Variants in ITFG1 observed in about 807,000 individuals in gnomAD.
ITFG1 encodes T-cell immunomodulatory protein.
In ITFG1, 34 loss-of-function variants were observed where a neutral mutation model predicts 81.8. That is an observed-to-expected ratio of 0.42 (90% CI 0.32 to 0.55). ITFG1 has a LOEUF of 0.55. Among genes scored for constraint, ITFG1 ranks in the 20% least tolerant of loss-of-function variants. The probability of loss-of-function intolerance (pLI) is 0.17; values close to 1 mark genes in which losing one functional copy is unlikely to be tolerated. For synonymous variants in ITFG1, 285 were observed against 270.6 expected, an observed-to-expected ratio of 1.05 and a Z score of -0.52; for missense variants, 672 against 755.4, an observed-to-expected ratio of 0.89 and a Z score of 1.29.
intron 8 of ITFG1, among the ~76,000 whole-genome samples, chr16:47,360,700 C>T (rs564545220): frequency 6.6e-6 from 1 of 152,142 alleles, no homozygotes; most frequent in South Asian, 2.1e-4. Flanking sequence ...TACATTTCCA[C>T]ACACGGCGCA....
At chr16:47,319,940 G>A (rs1967423310) in intron 8 of ITFG1, among the ~76,000 whole-genome samples, 1 of 152,010 alleles carries the variant, frequency 6.6e-6, no homozygotes, top group Non-Finnish European at 1.5e-5. Flanking sequence ...TATCTTTTTT[G>A]AGACAGAGTC....
intron 8 of ITFG1, among the ~76,000 whole-genome samples, chr16:47,324,834 C>G (rs1409315196): frequency 6.6e-6 from 1 of 152,156 alleles, no homozygotes. Context: ...ATTCATAAAA[C>G]AAGTCCTTAG....
chr16:47,300,668 T>G (rs1967061617), intron 10 of ITFG1, among the ~76,000 whole-genome samples: 1 of 152,324 alleles, frequency 6.6e-6, no homozygotes, highest in South Asian at 2.1e-4. Context: ...GCTTTAATGA[T>G]TCTTATAATA....
At chr16:47,258,855 ATCC>A in intron 11 of ITFG1, 115 bp from the exon 12 acceptor site, 1 of 501,572 alleles carries the variant, frequency 2.0e-6, no homozygotes, top group South Asian at 3.6e-5. Flanking sequence ...TTATTTATTC[ATCC>A]TCATGTTTAA....
intron 14 of ITFG1, among the ~76,000 whole-genome samples, chr16:47,197,987 T>C (rs1054278719): frequency 2.6e-5 from 4 of 152,264 alleles, no homozygotes; most frequent in Non-Finnish European, 4.4e-5. Context: ...CTCTGTAGTA[T>C]AATTTCTTTT....
chr16:47,338,623 C>G (rs946388692), intron 8 of ITFG1, among the ~76,000 whole-genome samples: 2 of 150,794 alleles, frequency 1.3e-5, no homozygotes, highest in Admixed American at 6.6e-5. Context: ...TGGAAGAAGC[C>G]TAGGCATCAG....
At chr16:47,404,917 TTTC>T (rs1261202355) in intron 6 of ITFG1, among the ~76,000 whole-genome samples, 9 of 152,296 alleles carry the variant, frequency 5.9e-5, no homozygotes, top group Non-Finnish European at 1.3e-4. Flanking sequence ...TTTATTGGCC[TTTC>T]TTATTTTTGA....
chr16:47,326,513 A>T (rs1292421470), intron 8 of ITFG1, among the ~76,000 whole-genome samples: 2 of 152,212 alleles, frequency 1.3e-5, no homozygotes, highest in Non-Finnish European at 2.9e-5. Context: ...GCATTCAATT[A>T]GGAAAAGAGG....
intron 8 of ITFG1, among the ~76,000 whole-genome samples, chr16:47,356,228 T>G (rs1450294588): frequency 1.3e-5 from 2 of 152,202 alleles, no homozygotes; most frequent in Non-Finnish European, 2.9e-5. Flanking sequence ...TTGGAAAGAT[T>G]ACTTGAGATA....
At chr16:47,446,584 C>T (rs1416274442) in intron 5 of ITFG1, among the ~76,000 whole-genome samples, 1 of 152,158 alleles carries the variant, frequency 6.6e-6, no homozygotes, top group African/African-American at 2.4e-5. Flanking sequence ...ACGCGTCCCA[C>T]AGTTGAACGC....
At chr16:47,243,679 G>A (rs1047149630) in intron 12 of ITFG1, among the ~76,000 whole-genome samples, 2 of 152,150 alleles carry the variant, frequency 1.3e-5, no homozygotes, top group Non-Finnish European at 1.5e-5. Flanking sequence ...GACTTGAAAG[G>A]GGGCTTATAC....
At chr16:47,303,687 A>C (rs1967112783) in intron 10 of ITFG1, among the ~76,000 whole-genome samples, 1 of 152,180 alleles carries the variant, frequency 6.6e-6, no homozygotes, top group South Asian at 2.1e-4. Flanking sequence ...GCAGTGGTGT[A>C]ATTATAGCTC....
chr16:47,258,877 C>A, intron 11 of ITFG1, 137 bp from the exon 12 acceptor site: 1 of 476,254 alleles, frequency 2.1e-6, no homozygotes, highest in Non-Finnish European at 3.6e-6. Flanking sequence ...AAAATAAAAT[C>A]GCTATTAAAA....
chr16:47,212,010 A>G (rs920381233), intron 14 of ITFG1, among the ~76,000 whole-genome samples: 4 of 151,068 alleles, frequency 2.6e-5, no homozygotes, highest in Non-Finnish European at 4.4e-5. Flanking sequence ...ATTCTCCCAC[A>G]TCGGCCTCCC....
rs201389086 is a variant in ITFG1 at position 47,214,162 on chromosome 16, C to CA, written c.1453+4705dup. On this transcript the variant is annotated intron_variant, in intron 14 of 17. Coordinates refer to ENST00000320640, the MANE Select transcript of ITFG1 (RefSeq NM_030790.5). ...GGGTAAAACCCTACATATCTGGTCA[C>CA]AGATGTGTTCTGTGTTGAATGAGTG... Among the ~76,000 whole-genome samples, 445 of 152,300 alleles carry CA rather than the reference C, an allele frequency of 2.9e-3. 12 individuals are homozygous for CA. The highest frequency in any genetic ancestry group is 0.018 in the Admixed American group (275 of 15,302).
chr16:47,164,847 C>T (rs370373752), intron 14 of ITFG1, among the ~76,000 whole-genome samples: 3 of 152,318 alleles, frequency 2.0e-5, no homozygotes, highest in East Asian at 1.9e-4. Context: ...GCTGTGAAGC[C>T]GCTGGCTTTC....
chr16:47,342,282 T>C (rs2151577970), intron 8 of ITFG1, among the ~76,000 whole-genome samples: 1 of 152,250 alleles, frequency 6.6e-6, no homozygotes, highest in South Asian at 2.1e-4. Context: ...CATGATCATC[T>C]CAAGTGACAC....
At chr16:47,333,826 A>G (rs1444609518) in intron 8 of ITFG1, among the ~76,000 whole-genome samples, 1 of 152,224 alleles carries the variant, frequency 6.6e-6, no homozygotes, top group Non-Finnish European at 1.5e-5. Context: ...AGTCTTCATC[A>G]TGGACTAGGT....
intron 8 of ITFG1, among the ~76,000 whole-genome samples, chr16:47,350,689 A>G (rs910871827): frequency 4.6e-5 from 7 of 152,338 alleles, no homozygotes; most frequent in Middle Eastern, 3.4e-3. Flanking sequence ...ATAGAAAAAG[A>G]GGGAATCCTC....
Sources: allele counts gnomAD v4.1 joint callset (sites outside exome capture counted in the v4.1 genomes callset), GRCh38; gene constraint gnomAD v4.1.1; transcripts MANE v1.5; gene names NCBI Gene and HGNC (gene_info 2026-07-23, HGNC 2026-07-21).